The following GRID1 variants were observed in gnomAD, a reference collection of about 807,000 sequenced individuals.
GRID1 encodes the protein glutamate receptor ionotropic, delta-1.
Under a neutral mutation model 98.0 loss-of-function variants are expected in GRID1, and 28 were observed. That is an observed-to-expected ratio of 0.29 (90% CI 0.21 to 0.39). The LOEUF (loss-of-function observed/expected upper bound fraction) is 0.39. Ranked by LOEUF, GRID1 falls within the 10% of genes least tolerant of loss-of-function variation. The probability of loss-of-function intolerance (pLI) is 1.00; values close to 1 mark genes in which losing one functional copy is unlikely to be tolerated. For missense variants in GRID1, 1,111 were observed against 1,340.5 expected, an observed-to-expected ratio of 0.83 and a Z score of 2.67; for synonymous variants, 553 against 538.5, an observed-to-expected ratio of 1.03 and a Z score of -0.37.
intron 8 of GRID1, among the ~76,000 whole-genome samples, chr10:85,734,683 C>G (rs143704050): frequency 1.3e-5 from 2 of 152,312 alleles, no homozygotes; most frequent in African/African-American, 4.8e-5. Context: ...TCACATCAGA[C>G]AGAAGCCAAG....
In GRID1 at chr10:86,009,509, G is replaced by A. The variant is rs369539956; in HGVS notation, c.727-93270C>T. 1.2e-3 allele frequency among the ~76,000 whole-genome samples: 182 copies of A among 152,276 alleles called. 4 individuals are homozygous for A. In the South Asian group the frequency reaches 0.037, roughly 31 times the overall value. ...ATCAATCCATCTGCTGGAACCAATT[G>A]CCTGAGATAAAGCCAGGCCACGCTG... is the stretch of plus-strand genomic sequence containing the variant. On this transcript the variant is annotated intron_variant, in intron 4 of 15. Transcript: ENST00000327946.
intron 2 of GRID1, among the ~76,000 whole-genome samples, chr10:86,343,004 C>A (rs1848332580): frequency 6.6e-6 from 1 of 152,198 alleles, no homozygotes; most frequent in African/African-American, 2.4e-5. Context: ...TTCCTTTATA[C>A]TATCCCCACT....
At chr10:86,360,685 C>A (rs905665411) in intron 2 of GRID1, among the ~76,000 whole-genome samples, 1 of 152,180 alleles carries the variant, frequency 6.6e-6, no homozygotes, top group Non-Finnish European at 1.5e-5. Flanking sequence ...GAACACCCAC[C>A]GCAGGCCTTA....
chr10:86,070,153 C>T (rs936201427), intron 4 of GRID1, among the ~76,000 whole-genome samples: 1 of 152,194 alleles, frequency 6.6e-6, no homozygotes, highest in Non-Finnish European at 1.5e-5. Context: ...ATGCTTACCT[C>T]CCCATTGGCC....
chr10:86,335,327 A>C (rs1481232794), intron 2 of GRID1, among the ~76,000 whole-genome samples: 1 of 152,238 alleles, frequency 6.6e-6, no homozygotes, highest in Admixed American at 6.5e-5. Flanking sequence ...GGCTTTGCAA[A>C]GCACTAATTA....
chr10:85,614,624 G>T (rs1440537602), intron 14 of GRID1, among the ~76,000 whole-genome samples: 1 of 151,988 alleles, frequency 6.6e-6, no homozygotes, highest in African/African-American at 2.4e-5. Flanking sequence ...AGTCATGTCT[G>T]GGGTAGCACT....
At chr10:85,667,355 T>G (rs1163572458) in intron 12 of GRID1, among the ~76,000 whole-genome samples, 1 of 151,064 alleles carries the variant, frequency 6.6e-6, no homozygotes, top group Non-Finnish European at 1.5e-5. Flanking sequence ...AGACGAACAA[T>G]GTCTTTTATT....
intron 2 of GRID1, among the ~76,000 whole-genome samples, chr10:86,257,258 C>A (rs1870153): frequency 0.76 from 115,878 of 152,162 alleles, 44,992 homozygotes; most frequent in Non-Finnish European, 0.83. Context: ...CTGGCAGAGT[C>A]TCTAGTGATA....
At chr10:85,656,988 C>A (rs941492660) in intron 12 of GRID1, among the ~76,000 whole-genome samples, 2 of 152,182 alleles carry the variant, frequency 1.3e-5, no homozygotes, top group Admixed American at 1.3e-4. Flanking sequence ...CCTCACATGG[C>A]CTGAAAGGTC....
intron 3 of GRID1, among the ~76,000 whole-genome samples, chr10:86,173,848 A>G: frequency 6.6e-6 from 1 of 150,684 alleles, no homozygotes; most frequent in Non-Finnish European, 1.5e-5. Context: ...TTCTTGTGAT[A>G]GTTTACTGAG....
At chr10:86,175,762 T>G (rs1406055247) in intron 3 of GRID1, among the ~76,000 whole-genome samples, 4 of 151,788 alleles carry the variant, frequency 2.6e-5, no homozygotes, top group African/African-American at 9.7e-5. Flanking sequence ...CAGGCTGGAG[T>G]GCAATGGCGC....
In GRID1 at chr10:85,773,045, C is replaced by A. The variant is rs1344403903; in HGVS notation, c.1234-43431G>T. Among the ~76,000 whole-genome samples the A allele has an allele frequency of 2.0e-5, 3 of 152,196 alleles. No individual in the cohort carries two copies. In the East Asian group the frequency reaches 5.8e-4, roughly 29 times the overall value. On this transcript the variant is annotated intron_variant, in intron 8 of 15. Coordinates refer to ENST00000327946, the MANE Select transcript of GRID1 (RefSeq NM_017551.3). ...AAAAAGACAATTTTAGACCAATATC[C>A]TTGATGAACATTGATGCAAAAATCC... is the stretch of plus-strand genomic sequence containing the variant.
chr10:86,174,511 A>C (rs1001338671), intron 3 of GRID1, among the ~76,000 whole-genome samples: 3 of 151,924 alleles, frequency 2.0e-5, no homozygotes, highest in Non-Finnish European at 2.9e-5. Flanking sequence ...TTAAAGACTT[A>C]AACATTAGAC....
intron 8 of GRID1, among the ~76,000 whole-genome samples, chr10:85,742,750 C>T (rs921198557): frequency 6.6e-6 from 1 of 152,162 alleles, no homozygotes; most frequent in Non-Finnish European, 1.5e-5. Context: ...TTCTCCACCT[C>T]CTATCAGGAA....
rs1842771263 is a variant in GRID1 at position 85,821,530 on chromosome 10, A to AG, written c.1233+32965_1233+32966insC. Among the ~76,000 whole-genome samples, 8 of 105,534 alleles carry AG rather than the reference A, an allele frequency of 7.6e-5. 1 individual carries two copies. The highest frequency in any genetic ancestry group is 3.1e-4 in the African/African-American group (8 of 25,894). The allele number at this position is 105,534 out of a possible 152,430, so 69.2% of individuals were successfully genotyped here. A position where few individuals can be genotyped will look rare whatever the true frequency, so the allele number is the denominator to read the frequency against. On this transcript the variant is annotated intron_variant, in intron 8 of 15. Coordinates refer to ENST00000327946, the MANE Select transcript of GRID1 (RefSeq NM_017551.3). ...AGACTTCATCTCAAAAAAAAAAAAA[A>AG]AAAAAAAAAAAAAAAGAAAACAGAT...
intron 4 of GRID1, among the ~76,000 whole-genome samples, chr10:85,940,087 A>G (rs11201841): frequency 0.16 from 21,288 of 133,354 alleles, 1,771 homozygotes; most frequent in African/African-American, 0.2. Context: ...AAAAAAAAAA[A>G]AGAGAGAGAG....
intron 6 of GRID1, among the ~76,000 whole-genome samples, chr10:85,863,833 T>C (rs1442219875): frequency 6.6e-6 from 1 of 152,194 alleles, no homozygotes; most frequent in Non-Finnish European, 1.5e-5. Flanking sequence ...TATTAGGGTA[T>C]TCCAGCCTAG....
At chr10:85,660,459 A>T (rs1840952721) in intron 12 of GRID1, among the ~76,000 whole-genome samples, 1 of 152,192 alleles carries the variant, frequency 6.6e-6, no homozygotes, top group Non-Finnish European at 1.5e-5. Flanking sequence ...GGATATCCAA[A>T]CATATCCAGA....
chr10:86,144,835 A>G (rs1055124529), intron 3 of GRID1, among the ~76,000 whole-genome samples: 1 of 152,024 alleles, frequency 6.6e-6, no homozygotes, highest in Non-Finnish European at 1.5e-5. Context: ...ATCACCACAC[A>G]TGTGCTAAGG....
Sources: gnomAD v4.1 joint callset for allele counts (sites outside exome capture counted in the v4.1 genomes callset) on GRCh38, gnomAD v4.1.1 for gene constraint, MANE v1.5 for transcripts, NCBI Gene and HGNC (gene_info 2026-07-23, HGNC 2026-07-21) for gene names.